Variants in CSMD3 observed in about 807,000 individuals in gnomAD.
CSMD3 encodes the protein CUB and Sushi multiple domains 3.
A neutral mutation model predicts 435.2 loss-of-function variants in CSMD3; 177 were observed. That is an observed-to-expected ratio of 0.41 (90% CI 0.36 to 0.46). The LOEUF is 0.46. Ranked by LOEUF, CSMD3 falls within the 20% of genes least tolerant of loss-of-function variation. CSMD3 has a pLI of 0.34. For missense variants in CSMD3, 4,265 were observed against 4,504.6 expected (o/e 0.95, Z 1.52); for synonymous variants, 1,656 against 1,520.5 (o/e 1.09, Z -2.07).
At chr8:112,828,847 G>A (rs949818963) in intron 12 of CSMD3, among the ~76,000 whole-genome samples, 7 of 152,040 alleles carry the variant, frequency 4.6e-5, no homozygotes, top group Admixed American at 1.3e-4. Flanking sequence ...CATGAAGACA[G>A]GTGAGTAAGT....
At position 112,899,396 on chromosome 8, in the gene CSMD3, A is replaced by G. The variant is rs569543187; in HGVS notation, c.1633+22231T>C. Among the ~76,000 whole-genome samples the G allele has an allele frequency of 1.1e-4, 17 of 150,364 alleles. No homozygotes were observed. The East Asian group carries it at 3.4e-3, about 30-fold the overall frequency. ...GAAAAAATAATAATCAGATTGGCCT[A>G]AAATATGTGCATATAGGCACATTTT... On this transcript the variant is annotated intron_variant, in intron 10 of 70. Coordinates refer to ENST00000297405, the MANE Select transcript of CSMD3 (RefSeq NM_198123.2).
intron 8 of CSMD3, among the ~76,000 whole-genome samples, chr8:112,950,420 T>C (rs1207111718): frequency 6.6e-6 from 1 of 152,024 alleles, no homozygotes; most frequent in Non-Finnish European, 1.5e-5. Flanking sequence ...ACACAGATTA[T>C]AGGGTAATGG....
intron 5 of CSMD3, among the ~76,000 whole-genome samples, chr8:113,093,147 T>C (rs1266093143): frequency 2.0e-5 from 3 of 152,088 alleles, no homozygotes; most frequent in African/African-American, 4.8e-5. Flanking sequence ...ATCCTGTTAT[T>C]TGAGCAAAGA....
At chr8:112,247,373 C>A (rs1302969842) in intron 63 of CSMD3, among the ~76,000 whole-genome samples, 1 of 151,984 alleles carries the variant, frequency 6.6e-6, no homozygotes, top group African/African-American at 2.4e-5. Flanking sequence ...TACATAGAAA[C>A]CAAGCTTTTT....
chr8:112,783,305 G>A (rs1458470690), intron 13 of CSMD3, among the ~76,000 whole-genome samples: 1 of 150,710 alleles, frequency 6.6e-6, no homozygotes, highest in Non-Finnish European at 1.5e-5. Context: ...ACATCTCATG[G>A]TAACAAAAAC....
chr8:112,758,896 A>G (rs1286648478), intron 13 of CSMD3, among the ~76,000 whole-genome samples: 1 of 152,212 alleles, frequency 6.6e-6, no homozygotes, highest in Non-Finnish European at 1.5e-5. Context: ...ATACAGAAAT[A>G]AATGCAAAAC....
chr8:112,944,729 C>T (rs2083552715), intron 9 of CSMD3, among the ~76,000 whole-genome samples: 1 of 151,384 alleles, frequency 6.6e-6, no homozygotes, highest in African/African-American at 2.4e-5. Context: ...TCCCTGCTTG[C>T]CCTTTAAAGG....
intron 13 of CSMD3, among the ~76,000 whole-genome samples, chr8:112,774,593 G>A (rs1011859920): frequency 6.6e-6 from 1 of 151,904 alleles, no homozygotes; most frequent in Non-Finnish European, 1.5e-5. Flanking sequence ...CATAGCAGCT[G>A]TTCACCCAGT....
intron 1 of CSMD3, among the ~76,000 whole-genome samples, chr8:113,402,434 C>G (rs2094514462): frequency 6.6e-6 from 1 of 151,088 alleles, no homozygotes; most frequent in Admixed American, 6.6e-5. Context: ...TTCATAACAC[C>G]AAGGTTTATG....
chr8:112,594,160 C>T (rs916763550), intron 22 of CSMD3, among the ~76,000 whole-genome samples: 100 of 152,178 alleles, frequency 6.6e-4, no homozygotes, highest in Middle Eastern at 3.4e-3. Context: ...AGTGGGTGCA[C>T]GCACCGTGTG....
At chr8:112,804,013 T>G (rs1267100694) in intron 12 of CSMD3, among the ~76,000 whole-genome samples, 1 of 152,172 alleles carries the variant, frequency 6.6e-6, no homozygotes, top group African/African-American at 2.4e-5. Flanking sequence ...ACTAAGAGAT[T>G]TGGAGACTCA....
chr8:112,605,960 T>C (rs1181062953), intron 22 of CSMD3, among the ~76,000 whole-genome samples: 4 of 152,152 alleles, frequency 2.6e-5, no homozygotes, highest in Non-Finnish European at 5.9e-5. Flanking sequence ...TATGGCTCTG[T>C]ACCTTACACT....
At chr8:113,347,632 G>A (rs912394287) in intron 1 of CSMD3, among the ~76,000 whole-genome samples, 3 of 152,058 alleles carry the variant, frequency 2.0e-5, no homozygotes, top group Admixed American at 1.3e-4. Context: ...GAATAAAGGA[G>A]GTGAAAGATA....
At chr8:112,854,572 A>G (rs78854465) in intron 11 of CSMD3, among the ~76,000 whole-genome samples, 19 of 152,278 alleles carry the variant, frequency 1.2e-4, no homozygotes, top group East Asian at 9.7e-4. Context: ...TGGCTAAAAC[A>G]TACCCCAAAT....
intron 12 of CSMD3, 91 bp from the exon 13 acceptor site, chr8:112,800,365 C>T: frequency 1.1e-6 from 1 of 887,430 alleles, no homozygotes; most frequent in Non-Finnish European, 1.9e-6. Context: ...TCAATACTTT[C>T]TTTGCTAGAA....
chr8:113,357,618 A>G (rs2094240745), intron 1 of CSMD3, among the ~76,000 whole-genome samples: 1 of 152,214 alleles, frequency 6.6e-6, no homozygotes, highest in Non-Finnish European at 1.5e-5. Flanking sequence ...GTCTTCTTGG[A>G]GTATGATATG....
intron 32 of CSMD3, among the ~76,000 whole-genome samples, chr8:112,442,744 T>C (rs1295610516): frequency 1.3e-5 from 2 of 152,154 alleles, no homozygotes; most frequent in East Asian, 1.9e-4. Context: ...GCAGAAATGA[T>C]TGGTAAAACT....
intron 32 of CSMD3, among the ~76,000 whole-genome samples, chr8:112,468,234 ATT>A (rs771573736): frequency 0.35 from 32,845 of 93,010 alleles, 4,713 homozygotes; most frequent in African/African-American, 0.49. Flanking sequence ...TGCCTAAAGT[ATT>A]TTTTTTTTTT....
rs572784058 is a variant in CSMD3 at position 112,399,432 on chromosome 8, T to C, written c.5809+7092A>G. 2.0e-5 allele frequency among the ~76,000 whole-genome samples: 3 copies of C among 152,192 alleles called. No individual in the cohort carries two copies. In the South Asian group the frequency reaches 6.2e-4, roughly 32 times the overall value. ...TGTGCCACCACACCCAGTTAATTTT[T>C]GTATTTTTAGTAGAGACAGATTTCC... is the stretch of plus-strand genomic sequence containing the variant. On this transcript the variant is annotated intron_variant, in intron 35 of 70. Transcript: ENST00000297405.
Sources: allele counts gnomAD v4.1 joint callset (sites outside exome capture counted in the v4.1 genomes callset), GRCh38; gene constraint gnomAD v4.1.1; transcripts MANE v1.5; gene names NCBI Gene and HGNC (gene_info 2026-07-23, HGNC 2026-07-21).